Variants in ZNF536 observed in about 807,000 individuals in gnomAD.
The protein encoded by ZNF536 is zinc finger protein 536.
Under a neutral mutation model 84.5 loss-of-function variants are expected in ZNF536, and 13 were observed. The observed-to-expected ratio is 0.15, with a 90% CI of 0.10 to 0.24. The LOEUF is 0.24. Among genes scored for constraint, ZNF536 ranks in the 10% least tolerant of loss-of-function variants. The pLI is 1.00. For synonymous variants in ZNF536, 811 were observed against 742.5 expected (o/e 1.09, Z -1.50); for missense variants, 1,536 against 1,747.5 (o/e 0.88, Z 2.16).
Position 30,387,976 on chromosome 19 carries a change from A to G in ZNF536, c.-3+15420A>G, listed in dbSNP as rs146991182. Among the ~76,000 whole-genome samples, 795 of 151,522 alleles carry G rather than the reference A, an allele frequency of 5.2e-3. 10 individuals carry two copies. Among genetic ancestry groups the G allele is most frequent in the African/African-American group, 0.018 (762 of 41,350 alleles). On this transcript the variant is annotated intron_variant, in intron 1 of 4. Coordinates refer to ENST00000355537, the MANE Select transcript of ZNF536 (RefSeq NM_014717.3). ...GCACCAGCTGGGTGTCTGTGTAGAT[A>G]GGATGGTCCATAGGTGGAGCCCCTT...
chr19:30,635,627 T>A (rs531692967), intron 1 of ZNF536, among the ~76,000 whole-genome samples: 1 of 152,130 alleles, frequency 6.6e-6, no homozygotes, highest in Non-Finnish European at 1.5e-5. Flanking sequence ...CTCCTGGGTG[T>A]GGCTGGGGGT....
chr19:30,260,384 G>A (rs2025144818), intron 1 of ZNF536, among the ~76,000 whole-genome samples: 1 of 152,208 alleles, frequency 6.6e-6, no homozygotes, highest in African/African-American at 2.4e-5. Flanking sequence ...TGTCTGTTTA[G>A]AGTTTGCTGG....
intron 1 of ZNF536, among the ~76,000 whole-genome samples, chr19:30,257,368 T>A (rs777197913): frequency 2.6e-5 from 4 of 152,192 alleles, no homozygotes; most frequent in Non-Finnish European, 5.9e-5. Context: ...TTTTCGAAGG[T>A]GGGGCAAATG....
At chr19:30,662,181 T>C (rs906727328) in intron 1 of ZNF536, among the ~76,000 whole-genome samples, 1 of 152,192 alleles carries the variant, frequency 6.6e-6, no homozygotes, top group East Asian at 1.9e-4. Context: ...CTGTGGGTGC[T>C]GGGATGGGCC....
rs935795949 is a variant in ZNF536 at position 30,328,186 on chromosome 19, C to G, written c.-119-24182C>G. ...TGTGTGTGTTCAGCTCTGCAGAACT[C>G]CCCAGGGGAGGTGGGGAGGCATTGC... On this transcript the variant is annotated intron_variant, in intron 2 of 5. Transcript: ENST00000585628. 3.3e-5 allele frequency among the ~76,000 whole-genome samples: 5 copies of G among 152,242 alleles called. No individual in the cohort carries two copies. The East Asian group carries it at 9.7e-4, about 29-fold the overall frequency.
chr19:30,601,882 C>T (rs138714135), intron 1 of ZNF536, among the ~76,000 whole-genome samples: 215 of 152,292 alleles, frequency 1.4e-3, no homozygotes, highest in Non-Finnish European at 2.5e-3. Flanking sequence ...CCCTGAGACA[C>T]TCAGAAACCC....
chr19:30,676,997 C>T (rs575155872), intron 1 of ZNF536, among the ~76,000 whole-genome samples: 1 of 152,198 alleles, frequency 6.6e-6, no homozygotes, highest in Non-Finnish European at 1.5e-5. Flanking sequence ...TGAGCCGACA[C>T]ACCCAGTCAA....
intron 2 of ZNF536, among the ~76,000 whole-genome samples, chr19:30,305,983 C>G (rs1452990490): frequency 6.6e-6 from 1 of 152,250 alleles, no homozygotes; most frequent in Non-Finnish European, 1.5e-5. Context: ...TTTTTCCCCC[C>G]TCCAAATTTT....
At chr19:30,368,332 T>C (rs1037990172), upstream of ZNF536, among the ~76,000 whole-genome samples, 2 of 152,244 alleles carry the variant, frequency 1.3e-5, no homozygotes, top group African/African-American at 4.8e-5. Context: ...CTCTGAATGG[T>C]GCACACTACG....
intron 1 of ZNF536, among the ~76,000 whole-genome samples, chr19:30,374,085 G>A (rs935747121): frequency 6.6e-6 from 1 of 152,292 alleles, no homozygotes; most frequent in African/African-American, 2.4e-5. Flanking sequence ...ATAGGTATGG[G>A]CATTATTTCG....
At chr19:30,649,491 T>C (rs550883133) in intron 1 of ZNF536, among the ~76,000 whole-genome samples, 1 of 152,100 alleles carries the variant, frequency 6.6e-6, no homozygotes, top group African/African-American at 2.4e-5. Context: ...ATATTAACCA[T>C]TTTTTCCCCT....
At chr19:30,641,396 T>A (rs931932159) in intron 1 of ZNF536, among the ~76,000 whole-genome samples, 1 of 152,226 alleles carries the variant, frequency 6.6e-6, no homozygotes, top group African/African-American at 2.4e-5. Context: ...GGAATTGTAA[T>A]CTTGCTGTCA....
chr19:30,558,200 T>C (rs867740261), downstream of ZNF536: 2 of 152,350 alleles, frequency 1.3e-5, no homozygotes, highest in East Asian at 3.9e-4. Context: ...GGGCAGATCA[T>C]TGCATTTTTC....
At chr19:30,607,583 G>C (rs769437047) in intron 1 of ZNF536, among the ~76,000 whole-genome samples, 1 of 151,804 alleles carries the variant, frequency 6.6e-6, no homozygotes, top group Non-Finnish European at 1.5e-5. Flanking sequence ...TTAGCTGGAC[G>C]TGGTGGTGCA....
At chr19:30,572,778 G>T (rs1013273929) in intron 1 of ZNF536, among the ~76,000 whole-genome samples, 1 of 152,172 alleles carries the variant, frequency 6.6e-6, no homozygotes, top group Admixed American at 6.5e-5. Context: ...CACATGAGAA[G>T]GTCAGGATTC....
intron 1 of ZNF536, among the ~76,000 whole-genome samples, chr19:30,568,003 A>C (rs2046412972): frequency 6.6e-6 from 1 of 152,256 alleles, no homozygotes; most frequent in Non-Finnish European, 1.5e-5. Context: ...TGTTTCCCAC[A>C]GAACAGGTTC....
intron 1 of ZNF536, among the ~76,000 whole-genome samples, chr19:30,619,246 T>C (rs2048400689): frequency 6.6e-6 from 1 of 152,232 alleles, no homozygotes; most frequent in Non-Finnish European, 1.5e-5. Flanking sequence ...TTTAAAACTT[T>C]ATTTTGTTTG....
intron 1 of ZNF536, among the ~76,000 whole-genome samples, chr19:30,639,618 G>A (rs948758346): frequency 2.6e-5 from 4 of 152,164 alleles, no homozygotes; most frequent in African/African-American, 9.7e-5. Flanking sequence ...ATCAGAAATT[G>A]AGCAGATTTT....
intron 1 of ZNF536, among the ~76,000 whole-genome samples, chr19:30,686,419 C>G (rs1291946118): frequency 6.6e-6 from 1 of 152,192 alleles, no homozygotes; most frequent in Non-Finnish European, 1.5e-5. Context: ...TGTCCCCCAC[C>G]CTGTGAGTGT....
Sources: gnomAD v4.1 joint callset for allele counts (sites outside exome capture counted in the v4.1 genomes callset) on GRCh38, gnomAD v4.1.1 for gene constraint, MANE v1.5 for transcripts, NCBI Gene and HGNC (gene_info 2026-07-23, HGNC 2026-07-21) for gene names.